PHKB: variants seen among roughly 807,000 people sequenced by gnomAD.
PHKB encodes phosphorylase kinase regulatory subunit beta, also known as phosphorylase b kinase regulatory subunit beta.
PHKB carries 122 observed loss-of-function variants against 152.1 expected under a neutral mutation model. The ratio of observed to expected loss-of-function variants is 0.80; its 90% CI spans 0.69 to 0.93. The LOEUF is 0.93. Among genes scored for constraint, PHKB ranks in the 40% least tolerant of loss-of-function variants. The pLI, the probability that PHKB is intolerant of heterozygous loss-of-function variation, is 0.00. For synonymous variants in PHKB, 436 were observed against 464.9 expected (o/e 0.94, Z 0.80); for missense variants, 1,304 against 1,328.4 (o/e 0.98, Z 0.29).
chr16:47,638,824 A>G (rs1361080128), intron 14 of PHKB, among the ~76,000 whole-genome samples: 2 of 152,228 alleles, frequency 1.3e-5, no homozygotes, highest in Non-Finnish European at 2.9e-5. Context: ...GGTACCACAC[A>G]GGGCTTGAGT....
intron 27 of PHKB, among the ~76,000 whole-genome samples, chr16:47,689,961 C>A (rs1235072093): frequency 6.6e-6 from 1 of 152,140 alleles, no homozygotes; most frequent in South Asian, 2.1e-4. Flanking sequence ...TAATACAAAA[C>A]TTCATATGGA....
In PHKB at chr16:47,700,168, G is replaced by C. The variant is rs970286479; in HGVS notation, c.*802G>C. On this transcript the variant is annotated 3_prime_UTR_variant, in exon 31 of 31. Coordinates refer to ENST00000323584, the MANE Select transcript of PHKB (RefSeq NM_000293.3). The stretch of plus-strand genomic sequence containing the variant: ...GTTCAAGACCAGCCCAGCCAACATG[G>C]TGAAAACCCTGTCTCTACTAAAAAT... The C allele has an allele frequency of 6.6e-6, 1 of 151,918 alleles. No homozygotes were observed. The highest frequency in any genetic ancestry group is 2.4e-5 in the African/African-American group (1 of 41,340). 9.4% of individuals were successfully genotyped at this position (151,918 alleles called of 1,614,324 possible). A position where few individuals can be genotyped will look rare whatever the true frequency, so the allele number is the denominator to read the frequency against.
At chr16:47,547,755 G>T in intron 7 of PHKB, 1 of 522,948 alleles carries the variant, frequency 1.9e-6, no homozygotes, top group Non-Finnish European at 3.4e-6. Context: ...GAAAGAAGTA[G>T]GTGTCTTTCC....
At chr16:47,579,393 G>A (rs538758705) in intron 7 of PHKB, among the ~76,000 whole-genome samples, 7 of 152,252 alleles carry the variant, frequency 4.6e-5, no homozygotes, top group African/African-American at 1.7e-4. Flanking sequence ...CTACTCCCAA[G>A]AAGAAATGGG....
chr16:47,579,770 T>C (rs930616777), intron 7 of PHKB, among the ~76,000 whole-genome samples: 2 of 152,056 alleles, frequency 1.3e-5, no homozygotes, highest in African/African-American at 4.8e-5. Context: ...AGAGATAAGG[T>C]GATCAGTTGT....
chr16:47,624,257 T>C (rs1341782300), intron 14 of PHKB, among the ~76,000 whole-genome samples: 1 of 152,214 alleles, frequency 6.6e-6, no homozygotes, highest in Non-Finnish European at 1.5e-5. Context: ...AGGGACACTG[T>C]AACATGGTCA....
Position 47,669,238 on chromosome 16 carries a change from TGAA to T in PHKB, c.2459_2461del (p.Glu820del), listed in dbSNP as rs532057230. 3.1e-3 allele frequency: 5,080 copies of T among 1,614,042 alleles called. 45 individuals are homozygous for T. Among genetic ancestry groups the T allele is most frequent in the Non-Finnish European group, 2.1e-3 (2,461 of 1,179,920 alleles). On this transcript the variant is annotated inframe_deletion, in exon 26 of 31. Transcript: ENST00000323584. ...AGGTAACTCTGGGTGCCTTTGGGCA[TGAA>T]GAAGAAGTTATCTCTAATCCTTTGT...
rs1567270457 is a variant in PHKB at position 47,473,050 on chromosome 16, T to TTTG, written c.76+11626_76+11627insGTT. 4.2e-3 allele frequency among the ~76,000 whole-genome samples: 628 copies of TTTG among 150,868 alleles called. 6 individuals are homozygous for TTTG. Among genetic ancestry groups the TTTG allele is most frequent in the African/African-American group, 0.015 (598 of 40,830 alleles). ...TAGCTTCTAGGATCTGTGTTTTTTT[T>TTTG]TTTGTTTGTTTGTTTGTTTGTTTTT... On this transcript the variant is annotated intron_variant, in intron 1 of 30. Coordinates refer to ENST00000323584, the MANE Select transcript of PHKB (RefSeq NM_000293.3).
intron 6 of PHKB, among the ~76,000 whole-genome samples, chr16:47,518,502 G>T (rs1175827469): frequency 6.6e-6 from 1 of 152,156 alleles, no homozygotes; most frequent in Non-Finnish European, 1.5e-5. Context: ...CATGTTTGTG[G>T]TGATGAACTT....
At position 47,649,211 on chromosome 16, in the gene PHKB, TC is replaced by T; in HGVS notation, c.1797+8del. ...GCTGATAGATGACATAAAGGTAGCTTCGGAACACCTTTCTTAAAAATGGAAT... is the reference window on the plus strand; with the variant it reads ...GCTGATAGATGACATAAAGGTAGCTTGGAACACCTTTCTTAAAAATGGAAT... On this transcript the variant is annotated splice_region_variant and intron_variant, in intron 18 of 30. Transcript: ENST00000323584. 1 of 1,382,844 alleles carries T rather than the reference TC, an allele frequency of 7.2e-7. No individual in the cohort carries two copies. The highest frequency in any genetic ancestry group is 1.0e-6 in the Non-Finnish European group (1 of 969,086). The allele number at this position is 1,382,844 out of a possible 1,614,324, so 85.7% of individuals were successfully genotyped here. A position where few individuals can be genotyped will look rare whatever the true frequency, so the allele number is the denominator to read the frequency against.
Position 47,657,950 on chromosome 16 carries a change from A to G in PHKB, c.1972-2556A>G, listed in dbSNP as rs1208899359. ...TCCAAGCTACCATTGTCCCTCACCT[A>G]GGTTTCCAGTCATCTCCTAAATTCC... On this transcript the variant is annotated intron_variant, in intron 20 of 30. Transcript: ENST00000323584. Among the ~76,000 whole-genome samples the G allele has an allele frequency of 2.0e-5, 3 of 152,138 alleles. No individual in the cohort carries two copies. The East Asian group carries it at 5.8e-4, about 29-fold the overall frequency.
intron 13 of PHKB, among the ~76,000 whole-genome samples, chr16:47,603,361 T>C (rs571368027): frequency 6.6e-6 from 1 of 152,336 alleles, no homozygotes; most frequent in African/African-American, 2.4e-5. Flanking sequence ...ATCTTTCTCA[T>C]GTTACCCATG....
chr16:47,505,229 G>A (rs117547096), intron 4 of PHKB, among the ~76,000 whole-genome samples: 463 of 152,340 alleles, frequency 3.0e-3, no homozygotes, highest in Middle Eastern at 0.01. Flanking sequence ...GTGGAGCCGG[G>A]TATGGAATGT....
Position 47,669,229 on chromosome 16 carries a change from CT to C in PHKB, c.2445del (p.Phe815LeufsTer16). ...VHGKQVTLGA[F>X]GHEEEVISNP... Reference sequence around the variant, plus strand: ...GCCACTTGTAGGTAACTCTGGGTGCCTTTGGGCATGAAGAAGAAGTTATCTC... The same window carrying C: ...GCCACTTGTAGGTAACTCTGGGTGCCTTGGGCATGAAGAAGAAGTTATCTC... On this transcript the variant is annotated frameshift_variant, in exon 26 of 31. Coordinates refer to ENST00000323584, the MANE Select transcript of PHKB (RefSeq NM_000293.3). LOFTEE classifies it high-confidence loss of function. 6.2e-7 allele frequency: 1 copy of C among 1,613,746 alleles called. No individual in the cohort carries two copies. Among genetic ancestry groups the C allele is most frequent in the Non-Finnish European group, 8.5e-7 (1 of 1,179,846 alleles).
chr16:47,623,863 G>C (rs1246292283), intron 14 of PHKB, among the ~76,000 whole-genome samples: 8 of 151,954 alleles, frequency 5.3e-5, no homozygotes, highest in African/African-American at 1.7e-4. Context: ...CAGCCTGACA[G>C]TTTTGATTTG....
chr16:47,580,275 C>T lies in PHKB; in HGVS notation c.711-20C>T. The stretch of plus-strand genomic sequence containing the variant: ...AGCCACATACATTAGAGTAATAAAG[C>T]ATTTCCTTTTCTCTTTTAGCTCGGT... On this transcript the variant is annotated intron_variant, in intron 7 of 30. Transcript: ENST00000323584. 6.3e-7 allele frequency: 1 copy of T among 1,595,600 alleles called. No homozygotes were observed.
At chr16:47,474,385 A>G (rs1969832575) in intron 1 of PHKB, among the ~76,000 whole-genome samples, 1 of 152,198 alleles carries the variant, frequency 6.6e-6, no homozygotes, top group Non-Finnish European at 1.5e-5. Context: ...AAAGCTGTGG[A>G]TGGAGACTAG....
intron 1 of PHKB, among the ~76,000 whole-genome samples, chr16:47,483,984 A>G (rs1474825883): frequency 6.6e-6 from 1 of 152,196 alleles, no homozygotes; most frequent in Admixed American, 6.5e-5. Flanking sequence ...TGTTTCCTAA[A>G]AAGGAGTTCC....
At chr16:47,693,810 G>A (rs1974103560) in intron 28 of PHKB, among the ~76,000 whole-genome samples, 2 of 152,280 alleles carry the variant, frequency 1.3e-5, no homozygotes, top group African/African-American at 4.8e-5. Flanking sequence ...TCATATTTTA[G>A]ATATTTTGAG....
Sources: allele counts gnomAD v4.1 joint callset (sites outside exome capture counted in the v4.1 genomes callset), GRCh38; gene constraint gnomAD v4.1.1; transcripts MANE v1.5; gene names NCBI Gene and HGNC (gene_info 2026-07-23, HGNC 2026-07-21).